DISC1: variants seen among roughly 807,000 people sequenced by gnomAD.
DISC1 encodes the protein disrupted in schizophrenia 1 protein.
In DISC1, 57 loss-of-function variants were observed where a neutral mutation model predicts 84.5. That is an observed-to-expected ratio of 0.67 (90% CI 0.55 to 0.84). The LOEUF (loss-of-function observed/expected upper bound fraction) is 0.84. Ranked by LOEUF, DISC1 falls within the 40% of genes least tolerant of loss-of-function variation. The pLI, the probability that DISC1 is intolerant of heterozygous loss-of-function variation, is 0.00. For synonymous variants in DISC1, 411 were observed against 415.2 expected (o/e 0.99, Z 0.12); for missense variants, 1,000 against 1,057.8 (o/e 0.95, Z 0.76).
intron 8 of DISC1, among the ~76,000 whole-genome samples, chr1:231,815,550 A>C (rs1391918484): frequency 1.3e-5 from 2 of 152,170 alleles, no homozygotes; most frequent in African/African-American, 4.8e-5. Context: ...CAGTCTGGCC[A>C]ACATGGTGAA....
At position 232,036,754 on chromosome 1, in the gene DISC1, C is replaced by T. The variant is rs773106511; in HGVS notation, c.2488C>T (p.Gln830Ter). ...TCTGCAGGCCATGATCCTGCAGCTC[C>T]AGCCAGCAAAGGAGGCGGGAGAAAG... ...ETLQAMILQL[Q>*]PAKEAGEREA... The change falls in exon 13 of 13, where the codon CAG becomes TAG. Residue 830 changes from glutamine to a stop codon, truncating the protein, a stop_gained. Transcript: ENST00000439617. LOFTEE classifies it high-confidence loss of function. 1 of 1,607,764 alleles carries T rather than the reference C, an allele frequency of 6.2e-7. No homozygotes were observed. Among genetic ancestry groups the T allele is most frequent in the Non-Finnish European group, 8.5e-7 (1 of 1,175,742 alleles).
At chr1:231,779,470 T>C (rs1277852263) in intron 6 of DISC1, among the ~76,000 whole-genome samples, 3 of 151,920 alleles carry the variant, frequency 2.0e-5, no homozygotes, top group Non-Finnish European at 4.4e-5. Context: ...TCAGTATGCA[T>C]GCATTAGGAC....
intron 4 of DISC1, among the ~76,000 whole-genome samples, chr1:231,762,709 T>C (rs1481719837): frequency 6.6e-6 from 1 of 151,886 alleles, no homozygotes; most frequent in Non-Finnish European, 1.5e-5. Context: ...ATTTTCCCGA[T>C]ACAAACATTG....
At chr1:231,794,299 A>C (rs1479770176) in intron 6 of DISC1, among the ~76,000 whole-genome samples, 2 of 151,542 alleles carry the variant, frequency 1.3e-5, no homozygotes, top group African/African-American at 4.9e-5. Flanking sequence ...TCTTCTGGTA[A>C]GCTTTCCCAC....
chr1:231,947,536 CAT>C (rs1260218125), intron 9 of DISC1, among the ~76,000 whole-genome samples: 1 of 152,190 alleles, frequency 6.6e-6, no homozygotes, highest in Non-Finnish European at 1.5e-5. Flanking sequence ...CCATTCAGGA[CAT>C]AGGCGTGGGC....
At chr1:231,869,174 T>C (rs2085280281) in intron 9 of DISC1, among the ~76,000 whole-genome samples, 1 of 152,090 alleles carries the variant, frequency 6.6e-6, no homozygotes, top group African/African-American at 2.4e-5. Context: ...AATGAATGAA[T>C]GAGTGAATGA....
intron 1 of DISC1, among the ~76,000 whole-genome samples, chr1:231,690,166 A>G (rs1244571009): frequency 2.0e-5 from 3 of 152,320 alleles, no homozygotes; most frequent in Admixed American, 2.0e-4. Context: ...ACTTCCCTCC[A>G]ATCAGAGCTT....
intron 1 of DISC1, among the ~76,000 whole-genome samples, chr1:231,672,536 A>G (rs11122319): frequency 0.43 from 64,577 of 151,938 alleles, 14,346 homozygotes; most frequent in East Asian, 0.82. Context: ...GTCCTGCTCC[A>G]TTTGTTTGTG....
At chr1:231,915,692 C>T (rs141532480) in intron 9 of DISC1, among the ~76,000 whole-genome samples, 2,660 of 152,302 alleles carry the variant, frequency 0.017, 40 homozygotes, top group Middle Eastern at 0.024. Context: ...GCAGGAGAAT[C>T]GCTTGAACCT....
intron 9 of DISC1, among the ~76,000 whole-genome samples, chr1:231,888,693 G>A (rs148729464): frequency 0.031 from 4,471 of 145,404 alleles, 88 homozygotes; most frequent in East Asian, 0.067. Context: ...AGCCAAGATC[G>A]TGCCACTGCA....
At chr1:231,831,730 C>T (rs536386183) in intron 9 of DISC1, among the ~76,000 whole-genome samples, 1 of 152,226 alleles carries the variant, frequency 6.6e-6, no homozygotes, top group South Asian at 2.1e-4. Flanking sequence ...CCCATGTGAC[C>T]ACATGGTGGT....
intron 10 of DISC1, among the ~76,000 whole-genome samples, chr1:231,996,514 A>T (rs907592319): frequency 2.2e-4 from 33 of 152,290 alleles, no homozygotes; most frequent in African/African-American, 7.5e-4. Context: ...AATGGAGTAA[A>T]ATACTAATGC....
intron 8 of DISC1, among the ~76,000 whole-genome samples, chr1:231,809,583 A>G (rs1371755525): frequency 6.6e-6 from 1 of 151,844 alleles, no homozygotes; most frequent in East Asian, 1.9e-4. Flanking sequence ...AGAGAATAAA[A>G]ACTATCTATA....
intron 9 of DISC1, among the ~76,000 whole-genome samples, chr1:231,857,018 G>A (rs915004971): frequency 6.6e-6 from 1 of 152,176 alleles, no homozygotes; most frequent in Non-Finnish European, 1.5e-5. Flanking sequence ...TTACATGAGG[G>A]TTTAAGGAAT....
intron 9 of DISC1, among the ~76,000 whole-genome samples, chr1:231,915,098 T>C (rs2089515867): frequency 1.3e-5 from 2 of 152,230 alleles, no homozygotes; most frequent in Admixed American, 6.5e-5. Flanking sequence ...CTCTTCTACT[T>C]GTTTTTGACG....
chr1:231,700,344 G>A (rs1014984933), intron 2 of DISC1, among the ~76,000 whole-genome samples: 3 of 152,114 alleles, frequency 2.0e-5, no homozygotes, highest in African/African-American at 7.2e-5. Context: ...TTAATGAATA[G>A]GAAATTTATT....
chr1:231,774,389 G>T (rs1029018884), intron 6 of DISC1, among the ~76,000 whole-genome samples: 2 of 152,176 alleles, frequency 1.3e-5, no homozygotes, highest in Non-Finnish European at 2.9e-5. Context: ...CTGCGATAAG[G>T]AAGTTATACA....
chr1:231,792,141 C>T (rs558900987), intron 6 of DISC1, among the ~76,000 whole-genome samples: 8 of 152,100 alleles, frequency 5.3e-5, no homozygotes, highest in South Asian at 4.2e-4. Context: ...CTGAGCAAAA[C>T]GTAATTGGGA....
At chr1:231,918,712 G>A (rs1024679390) in intron 9 of DISC1, among the ~76,000 whole-genome samples, 2 of 152,180 alleles carry the variant, frequency 1.3e-5, no homozygotes, top group Admixed American at 1.3e-4. Context: ...AGTATTTTTA[G>A]TGACTCTTTG....
Sources: gnomAD v4.1 joint callset for allele counts (sites outside exome capture counted in the v4.1 genomes callset) on GRCh38, gnomAD v4.1.1 for gene constraint, MANE v1.5 for transcripts, NCBI Gene and HGNC (gene_info 2026-07-23, HGNC 2026-07-21) for gene names.